The following HHIPL1 variants were observed in gnomAD, a reference collection of about 807,000 sequenced individuals.
HHIPL1 encodes the protein HHIP-like protein 1.
Under a neutral mutation model 61.8 loss-of-function variants are expected in HHIPL1, and 43 were observed. The observed-to-expected ratio is 0.70, with a 90% CI of 0.55 to 0.90. The LOEUF (loss-of-function observed/expected upper bound fraction) is 0.90, where lower values mean the gene tolerates loss of function less well. Ranked by LOEUF, HHIPL1 falls within the 40% of genes least tolerant of loss-of-function variation. HHIPL1 has a pLI of 0.00. For synonymous variants in HHIPL1, 482 were observed against 515.8 expected, an observed-to-expected ratio of 0.93 and a Z score of 0.89; for missense variants, 1,056 against 1,157.7, an observed-to-expected ratio of 0.91 and a Z score of 1.28.
At chr14:99,662,478 C>G (rs1053832958) in intron 5 of HHIPL1, among the ~76,000 whole-genome samples, 1 of 152,144 alleles carries the variant, frequency 6.6e-6, no homozygotes, top group East Asian at 1.9e-4. Context: ...GGGCAGTAAC[C>G]AAGCCGGTCT....
intron 5 of HHIPL1, among the ~76,000 whole-genome samples, chr14:99,662,286 G>T (rs1044768854): frequency 6.6e-6 from 1 of 152,148 alleles, no homozygotes; most frequent in African/African-American, 2.4e-5. Context: ...CAGAGGAGGG[G>T]ACATCTCTAA....
chr14:99,672,887 G>T lies in HHIPL1; in HGVS notation c.1813+488G>T, dbSNP rs1012213406. Among the ~76,000 whole-genome samples, 15 of 152,272 alleles carry T rather than the reference G, an allele frequency of 9.9e-5. No individual in the cohort carries two copies. In the East Asian group the frequency reaches 2.5e-3, roughly 26 times the overall value. On this transcript the variant is annotated intron_variant, in intron 8 of 8. Coordinates refer to ENST00000330710, the MANE Select transcript of HHIPL1 (RefSeq NM_001127258.3). Reference sequence around the variant, plus strand: ...GTTCCCCTGGGCCCAAGTTAGGTGGGAACAAAGACCCTGTGTTGCCAGGTC... The same window carrying T: ...GTTCCCCTGGGCCCAAGTTAGGTGGTAACAAAGACCCTGTGTTGCCAGGTC...
At chr14:99,672,507 C>G (rs564692766) in intron 8 of HHIPL1, 108 bp downstream of exon 8, 2 of 852,942 alleles carry the variant, frequency 2.3e-6, no homozygotes, top group South Asian at 1.5e-5. Flanking sequence ...CTAGATGCCC[C>G]TCTTCAGCCC....
the HHIPL1 span, among the ~76,000 whole-genome samples, chr14:99,612,319 A>G: frequency 6.6e-6 from 1 of 152,138 alleles, no homozygotes; most frequent in African/African-American, 2.4e-5. Context: ...TTACAATTCA[A>G]GGTGAGATGT....
At position 99,652,360 on chromosome 14, in the gene HHIPL1, C is replaced by T. The variant is rs2055947259; in HGVS notation, c.392C>T (p.Thr131Ile). The change falls in exon 2 of 9, where the codon ACT (threonine) becomes ATT (isoleucine). Residue 131 changes from threonine (T) to isoleucine (I), a missense_variant. Thr to Ile is a moderately conservative substitution (Grantham distance 89). Transcript: ENST00000330710. ...KCRGLFRHLS[T>I]DQELWALEGN... is the part of the protein sequence containing the mutation. ...CGGGGGCTGTTCCGTCACCTGTCAA[C>T]TGACCAGGAGCTCTGGGCGCTGGAG... 1 of 1,614,216 alleles carries T rather than the reference C, an allele frequency of 6.2e-7. No homozygotes were observed. The highest frequency in any genetic ancestry group is 8.5e-7 in the Non-Finnish European group (1 of 1,180,046).
At chr14:99,619,262 A>G in the HHIPL1 span, among the ~76,000 whole-genome samples, 1 of 152,022 alleles carries the variant, frequency 6.6e-6, no homozygotes, top group Non-Finnish European at 1.5e-5. Flanking sequence ...GGAGTTCGAA[A>G]CCAGCCTGGC....
chr14:99,648,021 T>C (rs2055869246), intron 1 of HHIPL1, among the ~76,000 whole-genome samples: 1 of 152,118 alleles, frequency 6.6e-6, no homozygotes, highest in Non-Finnish European at 1.5e-5. Flanking sequence ...CCATGAAATG[T>C]ATTCTATGGG....
Position 99,653,749 on chromosome 14 carries a change from A to G in HHIPL1, c.902+879A>G, listed in dbSNP as rs895192507. Among the ~76,000 whole-genome samples the G allele has an allele frequency of 3.3e-5, 5 of 152,330 alleles. No individual in the cohort carries two copies. In the East Asian group the frequency reaches 9.6e-4, roughly 29 times the overall value. On this transcript the variant is annotated intron_variant, in intron 2 of 8. Coordinates refer to ENST00000330710, the MANE Select transcript of HHIPL1 (RefSeq NM_001127258.3). ...AGAGCCTGCACTCTGTGGATGATTTATGCCCCAACTGTTTTCAAAATGGGT... is the reference window on the plus strand; with the variant it reads ...AGAGCCTGCACTCTGTGGATGATTTGTGCCCCAACTGTTTTCAAAATGGGT...
In HHIPL1 at chr14:99,672,263, C is replaced by T. The variant is rs1328937564; in HGVS notation, c.1731-54C>T. The stretch of plus-strand genomic sequence containing the variant: ...CTGCCTCACTGTAGAGAAAAGGCAC[C>T]CTCAGGGTGGGCTCCCAGGGTGAGA... On this transcript the variant is annotated intron_variant, in intron 7 of 8. Coordinates refer to ENST00000330710, the MANE Select transcript of HHIPL1 (RefSeq NM_001127258.3). The T allele has an allele frequency of 8.9e-6, 13 of 1,468,766 alleles. No individual in the cohort carries two copies. In the East Asian group the frequency reaches 3.2e-4, roughly 36 times the overall value. 91.0% of individuals were successfully genotyped at this position (1,468,766 alleles called of 1,614,324 possible). A position where few individuals can be genotyped will look rare whatever the true frequency, so the allele number is the denominator to read the frequency against.
At chr14:99,649,674 G>C (rs1475808106) in intron 1 of HHIPL1, among the ~76,000 whole-genome samples, 1 of 152,142 alleles carries the variant, frequency 6.6e-6, no homozygotes, top group African/African-American at 2.4e-5. Context: ...GCACGTCTGT[G>C]GTTCCAGCTA....
intron 6 of HHIPL1, among the ~76,000 whole-genome samples, chr14:99,663,547 G>A (rs979133091): frequency 2.0e-5 from 3 of 152,154 alleles, no homozygotes; most frequent in Non-Finnish European, 4.4e-5. Context: ...TGTTTTATCA[G>A]CAAAGTCTGT....
chr14:99,614,945 A>G, the HHIPL1 span, among the ~76,000 whole-genome samples: 3 of 152,214 alleles, frequency 2.0e-5, no homozygotes, highest in Admixed American at 6.5e-5. Context: ...AAAAAGGGCC[A>G]GAAGAGAAGT....
At chr14:99,607,452 C>T in the HHIPL1 span, among the ~76,000 whole-genome samples, 3 of 152,132 alleles carry the variant, frequency 2.0e-5, no homozygotes, top group Non-Finnish European at 2.9e-5. Context: ...CAACATTCTA[C>T]CCCCCTTTTT....
chr14:99,637,000 G>GAAAGAAAGA, the HHIPL1 span, among the ~76,000 whole-genome samples: 6 of 77,004 alleles, frequency 7.8e-5, no homozygotes, highest in Admixed American at 1.8e-4. Flanking sequence ...AAGAAAGAAA[G>GAAAGAAAGA]AAGAAAGAAA....
chr14:99,657,571 G>T (rs377543142), intron 3 of HHIPL1, among the ~76,000 whole-genome samples: 1 of 152,208 alleles, frequency 6.6e-6, no homozygotes, highest in African/African-American at 2.4e-5. Flanking sequence ...GCAACAGCAC[G>T]TGGGGCTCCT....
At chr14:99,651,003 C>T (rs1249183800) in intron 1 of HHIPL1, among the ~76,000 whole-genome samples, 1 of 152,184 alleles carries the variant, frequency 6.6e-6, no homozygotes, top group Non-Finnish European at 1.5e-5. Context: ...AATCTCAGCA[C>T]TATGGGAGGC....
chr14:99,625,742 G>A, the HHIPL1 span: 1 of 152,164 alleles, frequency 6.6e-6, no homozygotes, highest in African/African-American at 2.4e-5. Context: ...TCAACCAGAG[G>A]CACTCACTGC....
At chr14:99,629,072 T>G in the HHIPL1 span, among the ~76,000 whole-genome samples, 1 of 152,154 alleles carries the variant, frequency 6.6e-6, no homozygotes, top group African/African-American at 2.4e-5. Context: ...CAGCATGTCC[T>G]TCCCAGACAC....
chr14:99,640,874 C>CTTTTTTTTTTTT (rs1178661799), upstream of HHIPL1, among the ~76,000 whole-genome samples: 1 of 93,930 alleles, frequency 1.1e-5, no homozygotes, highest in Admixed American at 1.0e-4. Flanking sequence ...TTTACTTCTT[C>CTTTTTTTTTTTT]TTCTTTTTTT....
Sources: gnomAD v4.1 joint callset for allele counts (sites outside exome capture counted in the v4.1 genomes callset) on GRCh38, gnomAD v4.1.1 for gene constraint, MANE v1.5 for transcripts, NCBI Gene and HGNC (gene_info 2026-07-23, HGNC 2026-07-21) for gene names.